Variants in TTC23 observed in about 807,000 individuals in gnomAD.
TTC23 encodes the protein tetratricopeptide repeat protein 23.
Under a neutral mutation model 55.1 loss-of-function variants are expected in TTC23, and 58 were observed. That is an observed-to-expected ratio of 1.05 (90% CI 0.85 to 1.31). TTC23 has a LOEUF of 1.31. Among genes scored for constraint, TTC23 ranks in the 50% most tolerant of loss-of-function variants. The pLI is 0.00. For synonymous variants in TTC23, 203 were observed against 199.9 expected, an observed-to-expected ratio of 1.02 and a Z score of -0.13; for missense variants, 516 against 534.4, an observed-to-expected ratio of 0.97 and a Z score of 0.34.
chr15:99,193,278 G>A (rs145756271), intron 9 of TTC23, among the ~76,000 whole-genome samples: 196 of 152,306 alleles, frequency 1.3e-3, no homozygotes, highest in Middle Eastern at 3.4e-3. Context: ...GAGGCCGGGG[G>A]CAGAATGATA....
At chr15:99,250,947 C>A (rs774984149), upstream of TTC23, among the ~76,000 whole-genome samples, 9 of 152,156 alleles carry the variant, frequency 5.9e-5, no homozygotes, top group Non-Finnish European at 1.3e-4. Flanking sequence ...GTCAGACTGG[C>A]GCTGTTAGTC....
At chr15:99,241,929 G>A (rs984391799) in intron 2 of TTC23, among the ~76,000 whole-genome samples, 1 of 152,180 alleles carries the variant, frequency 6.6e-6, no homozygotes, top group Non-Finnish European at 1.5e-5. Flanking sequence ...GAGCCGAGGA[G>A]TTCAAGGTCA....
intron 12 of TTC23, among the ~76,000 whole-genome samples, chr15:99,142,340 C>T: frequency 6.6e-6 from 1 of 152,202 alleles, no homozygotes; most frequent in Non-Finnish European, 1.5e-5. Flanking sequence ...AGGGTTAACA[C>T]TTCTTACCAG....
At chr15:99,210,287 T>C (rs756826040) in intron 8 of TTC23, among the ~76,000 whole-genome samples, 1 of 151,986 alleles carries the variant, frequency 6.6e-6, no homozygotes, top group Non-Finnish European at 1.5e-5. Flanking sequence ...ATTCAAGAAA[T>C]AGAAAGCAGA....
chr15:99,137,724 G>GT lies in TTC23; in HGVS notation c.*285dup. On this transcript the variant is annotated 3_prime_UTR_variant, in exon 14 of 14. Coordinates refer to ENST00000394132, the MANE Select transcript of TTC23 (RefSeq NM_001288615.3). The stretch of plus-strand genomic sequence containing the variant: ...GGGCGCACTGAACTGTTGAAGAGAA[G>GT]TTTTTCAGCCACAGTAGTGCTGATG... 2.5e-6 allele frequency: 1 copy of GT among 407,296 alleles called. No homozygotes were observed. The highest frequency in any genetic ancestry group is 4.5e-6 in the Non-Finnish European group (1 of 221,600). 25.2% of individuals were successfully genotyped at this position (407,296 alleles called of 1,614,324 possible). A position where few individuals can be genotyped will look rare whatever the true frequency, so the allele number is the denominator to read the frequency against.
chr15:99,222,271 A>ATG (rs898351467), intron 5 of TTC23, among the ~76,000 whole-genome samples: 4 of 151,592 alleles, frequency 2.6e-5, no homozygotes, highest in Admixed American at 2.0e-4. Flanking sequence ...GTGTGTGTGT[A>ATG]TGTGTGTGTG....
At chr15:99,202,376 G>A (rs191056427) in intron 8 of TTC23, among the ~76,000 whole-genome samples, 5 of 152,210 alleles carry the variant, frequency 3.3e-5, no homozygotes, top group South Asian at 2.1e-4. Flanking sequence ...CAGACTGCCC[G>A]TAAAAGTCAC....
At chr15:99,222,210 A>G (rs1231787412) in intron 5 of TTC23, among the ~76,000 whole-genome samples, 1 of 152,182 alleles carries the variant, frequency 6.6e-6, no homozygotes, top group Non-Finnish European at 1.5e-5. Context: ...GCTACTACAT[A>G]TGCAGGCACA....
At chr15:99,168,203 A>C (rs962379974) in intron 10 of TTC23, among the ~76,000 whole-genome samples, 20 of 152,230 alleles carry the variant, frequency 1.3e-4, no homozygotes, top group Admixed American at 1.3e-4. Flanking sequence ...GTGTGATACA[A>C]GGAAGTCCGT....
intron 5 of TTC23, among the ~76,000 whole-genome samples, chr15:99,224,929 T>A (rs1257044029): frequency 2.5e-4 from 38 of 152,204 alleles, no homozygotes; most frequent in Admixed American, 2.2e-3. Flanking sequence ...GGGAATCACC[T>A]TTTTATTGCC....
chr15:99,213,838 T>C (rs2152032195), intron 8 of TTC23, among the ~76,000 whole-genome samples: 1 of 152,376 alleles, frequency 6.6e-6, no homozygotes, highest in African/African-American at 2.4e-5. Context: ...TTACAAATAA[T>C]GTAGCTTTGA....
At chr15:99,187,983 A>G (rs2074880867) in intron 9 of TTC23, among the ~76,000 whole-genome samples, 1 of 151,990 alleles carries the variant, frequency 6.6e-6, no homozygotes, top group Non-Finnish European at 1.5e-5. Flanking sequence ...CAGCAATTCC[A>G]CTTATAGCCT....
intron 8 of TTC23, among the ~76,000 whole-genome samples, chr15:99,201,192 A>G (rs1433288139): frequency 1.3e-5 from 2 of 151,930 alleles, no homozygotes; most frequent in African/African-American, 4.9e-5. Context: ...TTTAGAAATT[A>G]TAAGTAAAGG....
intron 12 of TTC23, chr15:99,144,786 T>A (rs553982332): frequency 6.6e-6 from 1 of 152,338 alleles, no homozygotes; most frequent in Admixed American, 6.5e-5. Context: ...AGGTAAATTT[T>A]AAAAAATTGC....
intron 5 of TTC23, 148 bp from the exon 6 acceptor site, chr15:99,222,012 C>A: frequency 1.2e-6 from 1 of 840,746 alleles, no homozygotes; most frequent in Non-Finnish European, 1.8e-6. Context: ...TATCAGAGAA[C>A]AAAACAGACA....
chr15:99,182,248 T>TCTCTCACACA (rs1286172224), intron 9 of TTC23, among the ~76,000 whole-genome samples: 2 of 108,606 alleles, frequency 1.8e-5, no homozygotes, highest in African/African-American at 7.7e-5. Flanking sequence ...TCTCTCTCTC[T>TCTCTCACACA]CACACACACA....
chr15:99,245,100 A>G (rs2080125670), intron 2 of TTC23, among the ~76,000 whole-genome samples: 1 of 152,230 alleles, frequency 6.6e-6, no homozygotes, highest in African/African-American at 2.4e-5. Context: ...AGGTACACTT[A>G]TATCAAAACA....
intron 8 of TTC23, among the ~76,000 whole-genome samples, chr15:99,202,089 G>C (rs1378459724): frequency 6.6e-6 from 1 of 152,142 alleles, no homozygotes; most frequent in African/African-American, 2.4e-5. Context: ...TATGACAAGA[G>C]TTCATTGGTT....
At chr15:99,153,904 T>C (rs1170199561) in intron 12 of TTC23, among the ~76,000 whole-genome samples, 2 of 152,142 alleles carry the variant, frequency 1.3e-5, no homozygotes, top group African/African-American at 2.4e-5. Context: ...AATGGGAAGA[T>C]AACTGTTAAA....
Sources: allele counts gnomAD v4.1 joint callset (sites outside exome capture counted in the v4.1 genomes callset), GRCh38; gene constraint gnomAD v4.1.1; transcripts MANE v1.5; gene names NCBI Gene and HGNC (gene_info 2026-07-23, HGNC 2026-07-21).